Variants in NCOA7 observed in about 807,000 individuals in gnomAD.
NCOA7 encodes nuclear receptor coactivator 7.
In NCOA7, 45 loss-of-function variants were observed where a neutral mutation model predicts 104.3. That is an observed-to-expected ratio of 0.43 (90% CI 0.34 to 0.55). The LOEUF is 0.55. NCOA7 is among the 20% of genes least tolerant of loss of function. The pLI, the probability that NCOA7 is intolerant of heterozygous loss-of-function variation, is 0.02. For missense variants in NCOA7, 1,041 were observed against 1,119.7 expected (o/e 0.93, Z 1.00); for synonymous variants, 398 against 402.3 (o/e 0.99, Z 0.13).
At position 125,862,216 on chromosome 6, in the gene NCOA7, C is replaced by T. The variant is rs564156460; in HGVS notation, c.271+6976C>T. 2.9e-5 allele frequency among the ~76,000 whole-genome samples: 4 copies of T among 136,446 alleles called. 1 individual carries two copies. The East Asian group carries it at 8.5e-4, about 29-fold the overall frequency. 89.5% of individuals were successfully genotyped at this position (136,446 alleles called of 152,430 possible). On this transcript the variant is annotated intron_variant, in intron 3 of 15. Coordinates refer to ENST00000392477, the MANE Select transcript of NCOA7 (RefSeq NM_181782.5). Reference sequence around the variant, plus strand: ...TGCTTTCATGAGCTAAAACTCATGCCTAAGTGGAGAAATAAGAGCTTACCT... The same window carrying T: ...TGCTTTCATGAGCTAAAACTCATGCTTAAGTGGAGAAATAAGAGCTTACCT...
intron 10 of NCOA7, among the ~76,000 whole-genome samples, chr6:125,911,389 ATCATTATTACTG>A (rs1177718201): frequency 1.1e-4 from 17 of 152,148 alleles, no homozygotes; most frequent in Non-Finnish European, 2.4e-4. Flanking sequence ...AAGAGGAACT[ATCATTATTACTG>A]TCATTATTAC....
At chr6:125,886,794 AC>A (rs1784298745) in intron 8 of NCOA7, among the ~76,000 whole-genome samples, 1 of 152,274 alleles carries the variant, frequency 6.6e-6, no homozygotes, top group Admixed American at 6.5e-5. Flanking sequence ...AACAATAAGT[AC>A]AAATTACCCA....
intron 10 of NCOA7, among the ~76,000 whole-genome samples, chr6:125,906,962 A>C (rs553884084): frequency 6.6e-6 from 1 of 152,316 alleles, no homozygotes; most frequent in South Asian, 2.1e-4. Context: ...CAAAAGATAG[A>C]GAATTGAGCG....
intron 3 of NCOA7, among the ~76,000 whole-genome samples, chr6:125,865,717 G>T (rs951104240): frequency 1.5e-5 from 2 of 137,266 alleles, no homozygotes; most frequent in African/African-American, 6.1e-5. Flanking sequence ...AGGCTGGAGT[G>T]TAGTAGTGCA....
intron 10 of NCOA7, among the ~76,000 whole-genome samples, chr6:125,908,548 G>A (rs925229352): frequency 2.0e-5 from 3 of 152,112 alleles, no homozygotes; most frequent in African/African-American, 7.2e-5. Flanking sequence ...TAATAATATT[G>A]AGATCTTCAA....
intron 1 of NCOA7, among the ~76,000 whole-genome samples, chr6:125,812,437 C>G (rs1777111281): frequency 6.6e-6 from 1 of 152,184 alleles, no homozygotes; most frequent in Admixed American, 6.5e-5. Context: ...ATGGAAAACT[C>G]TTTGAGGGTG....
At chr6:125,784,391 A>G (rs1424743711) in intron 1 of NCOA7, among the ~76,000 whole-genome samples, 2 of 152,228 alleles carry the variant, frequency 1.3e-5, no homozygotes, top group African/African-American at 4.8e-5. Flanking sequence ...TAATAAGTTT[A>G]TTTAATAGAT....
chr6:125,842,861 T>C (rs1780293657), intron 2 of NCOA7, among the ~76,000 whole-genome samples: 1 of 152,244 alleles, frequency 6.6e-6, no homozygotes, highest in Non-Finnish European at 1.5e-5. Context: ...GCTTTTGCTT[T>C]AGAAATATGT....
intron 2 of NCOA7, among the ~76,000 whole-genome samples, chr6:125,825,490 T>C (rs559497769): frequency 2.6e-5 from 4 of 152,242 alleles, no homozygotes; most frequent in Non-Finnish European, 5.9e-5. Context: ...GAGAATATAT[T>C]ACTGTTGATT....
chr6:125,835,681 G>A (rs1383491475), intron 2 of NCOA7, among the ~76,000 whole-genome samples: 2 of 152,224 alleles, frequency 1.3e-5, no homozygotes, highest in Admixed American at 1.3e-4. Context: ...AGGTTTTGGA[G>A]TAGTGGCTGC....
At chr6:125,814,673 T>A (rs1312293932) in intron 1 of NCOA7, among the ~76,000 whole-genome samples, 1 of 152,138 alleles carries the variant, frequency 6.6e-6, no homozygotes, top group Non-Finnish European at 1.5e-5. Context: ...CTTAAGCCAC[T>A]GCTGGCAAGC....
At chr6:125,927,855 C>T in intron 14 of NCOA7, 97 bp downstream of exon 14, 1 of 1,021,464 alleles carries the variant, frequency 9.8e-7, no homozygotes, top group Non-Finnish European at 1.5e-6. Context: ...CCTGTAACTT[C>T]TCCTGAACTG....
chr6:125,841,615 G>C (rs1780183529), intron 2 of NCOA7, among the ~76,000 whole-genome samples: 1 of 151,938 alleles, frequency 6.6e-6, no homozygotes, highest in Non-Finnish European at 1.5e-5. Flanking sequence ...GCAAGGCCAA[G>C]ATTTTTCTTC....
intron 7 of NCOA7, among the ~76,000 whole-genome samples, chr6:125,882,924 G>T (rs897127858): frequency 6.6e-6 from 1 of 152,094 alleles, no homozygotes; most frequent in Non-Finnish European, 1.5e-5. Context: ...GTATTTACAT[G>T]TCTTAAGCTC....
chr6:125,801,209 T>C (rs1775857968), intron 1 of NCOA7, among the ~76,000 whole-genome samples: 1 of 152,180 alleles, frequency 6.6e-6, no homozygotes, highest in Non-Finnish European at 1.5e-5. Context: ...GATAAAATAA[T>C]TCTTTGATAA....
intron 9 of NCOA7, among the ~76,000 whole-genome samples, chr6:125,890,231 C>G (rs2128659116): frequency 6.6e-6 from 1 of 152,264 alleles, no homozygotes; most frequent in South Asian, 2.1e-4. Context: ...TTTCAAGTTA[C>G]TTTCCTTTTT....
chr6:125,809,022 G>A (rs7750503), intron 1 of NCOA7, among the ~76,000 whole-genome samples: 5,959 of 152,198 alleles, frequency 0.039, 366 homozygotes, highest in African/African-American at 0.13. Flanking sequence ...ACCCTTTCCC[G>A]AATAGCAGAT....
At chr6:125,879,558 T>A (rs1384154022) in intron 5 of NCOA7, among the ~76,000 whole-genome samples, 1 of 152,208 alleles carries the variant, frequency 6.6e-6, no homozygotes, top group East Asian at 1.9e-4. Flanking sequence ...TGTGTTTTTT[T>A]ATTGTTGTCT....
chr6:125,869,752 A>G (rs1782739145), intron 3 of NCOA7, among the ~76,000 whole-genome samples: 2 of 152,170 alleles, frequency 1.3e-5, no homozygotes, highest in Non-Finnish European at 2.9e-5. Context: ...GTTCGGAGAA[A>G]AACCAGGGCT....
Sources: allele counts gnomAD v4.1 joint callset (sites outside exome capture counted in the v4.1 genomes callset), GRCh38; gene constraint gnomAD v4.1.1; transcripts MANE v1.5; gene names NCBI Gene and HGNC (gene_info 2026-07-23, HGNC 2026-07-21).